SLC35B4: variants seen among roughly 807,000 people sequenced by gnomAD.
SLC35B4 encodes nucleotide sugar transporter SLC35B4.
SLC35B4 carries 28 observed loss-of-function variants against 39.5 expected under a neutral mutation model. That is an observed-to-expected ratio of 0.71 (90% CI 0.53 to 0.97). SLC35B4 has a LOEUF of 0.97. Ranked by LOEUF, SLC35B4 falls within the 50% of genes least tolerant of loss-of-function variation. SLC35B4 has a pLI of 0.00. For missense variants in SLC35B4, 334 were observed against 414.3 expected (o/e 0.81, Z 1.68); for synonymous variants, 145 against 150.4 (o/e 0.96, Z 0.26).
chr7:134,317,868 G>C (rs1162164071), upstream of SLC35B4, among the ~76,000 whole-genome samples: 2 of 149,414 alleles, frequency 1.3e-5, no homozygotes, highest in Non-Finnish European at 2.9e-5. Context: ...AGTTTTTAAG[G>C]GAAACGTGTT....
rs964043589 is a variant in SLC35B4, at chr7:134,292,693, A to G, written c.*2140T>C. 1.3e-5 allele frequency: 2 copies of G among 152,226 alleles called. No individual in the cohort carries two copies. The highest frequency in any genetic ancestry group is 4.8e-5 in the African/African-American group (2 of 41,450). The allele number at this position is 152,226 out of a possible 1,614,324, so 9.4% of individuals were successfully genotyped here. ...AGGTTCTTCTATTAAGTGGTAAGAA[A>G]AAAGTAGCTTTTGTTGCTTTTAAAA... On this transcript the variant is annotated 3_prime_UTR_variant, in exon 10 of 10. Coordinates refer to ENST00000378509, the MANE Select transcript of SLC35B4 (RefSeq NM_032826.5).
chr7:134,294,776 G>C lies in SLC35B4; in HGVS notation c.*57C>G. ...ATTAACAAAAGCGAAACGGTGGTCA[G>C]ACCTTCACAGGGTCCCACCCTCACG... is the stretch of plus-strand genomic sequence containing the variant. On this transcript the variant is annotated 3_prime_UTR_variant, in exon 10 of 10. Transcript: ENST00000378509. 6.3e-7 allele frequency: 1 copy of C among 1,592,964 alleles called. No homozygotes were observed. Among genetic ancestry groups the C allele is most frequent in the South Asian group, 1.1e-5 (1 of 89,048 alleles).
intron 1 of SLC35B4, among the ~76,000 whole-genome samples, chr7:134,312,411 A>G (rs951229486): frequency 2.0e-5 from 3 of 152,184 alleles, no homozygotes; most frequent in South Asian, 2.1e-4. Context: ...GGAGCCCCCA[A>G]CTTGAATGGG....
intron 2 of SLC35B4, among the ~76,000 whole-genome samples, chr7:134,307,975 GT>G (rs1412046994): frequency 2.0e-5 from 3 of 152,196 alleles, no homozygotes; most frequent in African/African-American, 7.2e-5. Flanking sequence ...CATTTACAGA[GT>G]TTGTCAAGGT....
rs761828140 is a variant in SLC35B4 at position 134,292,181 on chromosome 7, GTTTA to G, written c.*2648_*2651del. The G allele has an allele frequency of 1.4e-4, 21 of 154,178 alleles. No homozygotes were observed. Among genetic ancestry groups the G allele is most frequent in the East Asian group, 7.7e-4 (4 of 5,186 alleles). 9.6% of individuals were successfully genotyped at this position (154,178 alleles called of 1,614,324 possible). Reference sequence around the variant, plus strand: ...TAGGAGTCTGATCTTCTACAAAATAGTTTATTTGTCTTTTTAATAAAGGTTGAAA... The same window carrying G: ...TAGGAGTCTGATCTTCTACAAAATAGTTTGTCTTTTTAATAAAGGTTGAAA... On this transcript the variant is annotated 3_prime_UTR_variant, in exon 10 of 10. Transcript: ENST00000378509.
chr7:134,317,585 T>C (rs1277821415), upstream of SLC35B4, among the ~76,000 whole-genome samples: 3 of 152,206 alleles, frequency 2.0e-5, no homozygotes, highest in African/African-American at 7.2e-5. Context: ...CGCAGTCAAA[T>C]CACCTGGGGG....
At chr7:134,319,945 C>A (rs1804067362), upstream of SLC35B4, among the ~76,000 whole-genome samples, 2 of 152,160 alleles carry the variant, frequency 1.3e-5, 1 homozygote, top group South Asian at 4.1e-4. Flanking sequence ...GGCCTCCTAA[C>A]ATCTTGGTGC....
intron 2 of SLC35B4, 141 bp from the exon 3 acceptor site, chr7:134,306,915 C>T: frequency 1.6e-6 from 1 of 611,822 alleles, no homozygotes; most frequent in South Asian, 2.1e-5. Flanking sequence ...TATGCCATGT[C>T]AACTACTAAG....
intron 1 of SLC35B4, among the ~76,000 whole-genome samples, chr7:134,314,050 A>C (rs924065833): frequency 5.1e-4 from 23 of 45,158 alleles, no homozygotes; most frequent in African/African-American, 1.9e-3. Flanking sequence ...AAGATAAGTG[A>C]TGATTTATTT....
In SLC35B4 at chr7:134,294,959, G is replaced by T; in HGVS notation, c.870C>A (p.Asn290Lys). The T allele has an allele frequency of 6.2e-7, 1 of 1,614,116 alleles. No individual in the cohort carries two copies. Among genetic ancestry groups the T allele is most frequent in the African/African-American group, 1.3e-5 (1 of 74,962 alleles). The change falls in exon 10 of 10, where the codon AAC (asparagine) becomes AAA (lysine). Residue 290 changes from asparagine (N) to lysine (K), a missense_variant. Transcript: ENST00000378509. ...SLIFSILYFQ[N>K]PFTLWHWLGT... ...CCAGCCAGTGCCACAGGGTGAAGGGGTTCTGGAAGTACAAGATGGAAAAGA... is the reference window on the plus strand; with the variant it reads ...CCAGCCAGTGCCACAGGGTGAAGGGTTTCTGGAAGTACAAGATGGAAAAGA...
At chr7:134,302,601 T>A (rs1012985690) in intron 4 of SLC35B4, among the ~76,000 whole-genome samples, 4 of 152,190 alleles carry the variant, frequency 2.6e-5, no homozygotes, top group African/African-American at 7.2e-5. Context: ...TTGTTTTTTT[T>A]AAATCTCTGA....
At chr7:134,313,836 C>T (rs1388619609) in intron 1 of SLC35B4, among the ~76,000 whole-genome samples, 1 of 152,172 alleles carries the variant, frequency 6.6e-6, no homozygotes, top group African/African-American at 2.4e-5. Flanking sequence ...GTCACAAATT[C>T]CAAGGCCATA....
At position 134,293,509 on chromosome 7, in the gene SLC35B4, T is replaced by C. The variant is rs149262539; in HGVS notation, c.*1324A>G. The C allele has an allele frequency of 6.2e-4, 94 of 152,330 alleles. No homozygotes were observed. Among genetic ancestry groups the C allele is most frequent in the African/African-American group, 2.2e-3 (90 of 41,578 alleles). 9.4% of individuals were successfully genotyped at this position (152,330 alleles called of 1,614,324 possible). ...CTCATAGGACAATAACAACTTTCAA[T>C]TGTCGTTGAGGTTTGACCTGATTTA... On this transcript the variant is annotated 3_prime_UTR_variant, in exon 10 of 10. Coordinates refer to ENST00000378509, the MANE Select transcript of SLC35B4 (RefSeq NM_032826.5).
chr7:134,294,863 A>T lies in SLC35B4; in HGVS notation c.966T>A (p.Ser322Arg), dbSNP rs776483783. The change falls in exon 10 of 10, where the codon AGT becomes AGA. Residue 322 changes from serine (S) to arginine (R), a missense_variant. Transcript: ENST00000378509. ...TCTTCTTGCTGTCCTTCTGAGGCTC[A>T]CTTTTTGTGGTCCCTAGGTTGTTCC... ...EVWNNLGTTK[S>R]EPQKDSKKN 1.2e-6 allele frequency: 2 copies of T among 1,613,918 alleles called. No individual in the cohort carries two copies. The highest frequency in any genetic ancestry group is 1.7e-6 in the Non-Finnish European group (2 of 1,180,024).
Position 134,300,176 on chromosome 7 carries a change from G to C in SLC35B4, c.573C>G (p.His191Gln). The C allele has an allele frequency of 6.2e-7, 1 of 1,612,160 alleles. No homozygotes were observed. ...CATTATAAAACAAAGCCTCCTTGGA[G>C]TGTTTCCCAAATCGTTTGTAGAGAG... ...QETLYKRFGK[H>Q]SKEALFYNHA... The change falls in exon 7 of 10, where the codon CAC (histidine) becomes CAG (glutamine). Residue 191 changes from histidine (H) to glutamine (Q), a missense_variant. Transcript: ENST00000378509.
chr7:134,316,521 C>G (rs1046528793), intron 1 of SLC35B4, among the ~76,000 whole-genome samples, 154 bp downstream of exon 1: 1 of 152,238 alleles, frequency 6.6e-6, no homozygotes. Context: ...GCTGCCCAGA[C>G]AGGACGGATT....
intron 1 of SLC35B4, 81 bp from the exon 2 acceptor site, chr7:134,309,560 C>A: frequency 1.1e-6 from 1 of 878,292 alleles, no homozygotes; most frequent in African/African-American, 1.7e-5. Flanking sequence ...AATTAGAGGG[C>A]CAGAATAACA....
chr7:134,295,418 C>T (rs1585632643), intron 9 of SLC35B4, among the ~76,000 whole-genome samples: 2 of 152,152 alleles, frequency 1.3e-5, no homozygotes, highest in African/African-American at 4.8e-5. Flanking sequence ...TGCCTCCAGC[C>T]CTTCTATCCC....
chr7:134,296,505 T>G, intron 8 of SLC35B4, 39 bp from the exon 9 acceptor site: 1 of 1,506,550 alleles, frequency 6.6e-7, no homozygotes, highest in Non-Finnish European at 9.2e-7. Context: ...TATTGCTTTT[T>G]CACAGCTGAA....
Sources: gnomAD v4.1 joint callset for allele counts (sites outside exome capture counted in the v4.1 genomes callset) on GRCh38, gnomAD v4.1.1 for gene constraint, MANE v1.5 for transcripts, NCBI Gene and HGNC (gene_info 2026-07-23, HGNC 2026-07-21) for gene names.